The following PDE3A variants were observed in gnomAD, a reference collection of about 807,000 sequenced individuals.
PDE3A encodes cGMP-inhibited 3',5'-cyclic phosphodiesterase 3A.
Under a neutral mutation model 98.3 loss-of-function variants are expected in PDE3A, and 43 were observed. That is an observed-to-expected ratio of 0.44 (90% CI 0.34 to 0.56). The LOEUF (loss-of-function observed/expected upper bound fraction) is 0.56, where lower values mean the gene tolerates loss of function less well. Among genes scored for constraint, PDE3A ranks in the 20% least tolerant of loss-of-function variants. PDE3A has a pLI of 0.01. For synonymous variants in PDE3A, 663 were observed against 567.9 expected, an observed-to-expected ratio of 1.17 and a Z score of -2.38; for missense variants, 1,427 against 1,440.7, an observed-to-expected ratio of 0.99 and a Z score of 0.15.
intron 1 of PDE3A, among the ~76,000 whole-genome samples, chr12:20,532,909 C>T (rs147156100): frequency 0.087 from 13,255 of 151,970 alleles, 829 homozygotes; most frequent in East Asian, 0.33. Flanking sequence ...ATCTCCTGAC[C>T]TCGTGATCCG....
intron 15 of PDE3A, among the ~76,000 whole-genome samples, chr12:20,656,723 G>T (rs1945052707): frequency 6.6e-6 from 1 of 152,128 alleles, no homozygotes. Flanking sequence ...CTGAATGAAG[G>T]TATTGTCAGC....
At chr12:20,667,836 G>A (rs546723021) in intron 15 of PDE3A, among the ~76,000 whole-genome samples, 69 of 152,196 alleles carry the variant, frequency 4.5e-4, no homozygotes, top group African/African-American at 1.5e-3. Flanking sequence ...TAAAGATTGC[G>A]GGGGAGGAGC....
At chr12:20,523,927 T>G (rs936824445) in intron 1 of PDE3A, among the ~76,000 whole-genome samples, 7 of 152,144 alleles carry the variant, frequency 4.6e-5, no homozygotes, top group Non-Finnish European at 1.5e-5. Context: ...AAGATACAAG[T>G]TTATTACTTT....
chr12:20,569,412 T>G (rs933660350), intron 2 of PDE3A, among the ~76,000 whole-genome samples: 4 of 152,128 alleles, frequency 2.6e-5, no homozygotes, highest in Non-Finnish European at 5.9e-5. Context: ...TATGAGGGAA[T>G]TAGGGTTACA....
intron 1 of PDE3A, among the ~76,000 whole-genome samples, chr12:20,501,810 G>C (rs1946030024): frequency 1.3e-5 from 2 of 152,216 alleles, no homozygotes; most frequent in Admixed American, 6.6e-5. Flanking sequence ...TAATAGAAAT[G>C]ATTGCATCAT....
At chr12:20,472,920 C>A (rs1165891355) in intron 1 of PDE3A, among the ~76,000 whole-genome samples, 1 of 151,996 alleles carries the variant, frequency 6.6e-6, no homozygotes, top group Non-Finnish European at 1.5e-5. Flanking sequence ...TTTTATTCAC[C>A]ATCATGGTAA....
At chr12:20,601,793 A>C (rs1355033051) in intron 2 of PDE3A, among the ~76,000 whole-genome samples, 2 of 152,018 alleles carry the variant, frequency 1.3e-5, no homozygotes, top group South Asian at 2.1e-4. Flanking sequence ...GTGAAAAAAA[A>C]CTAAATTCTG....
intron 2 of PDE3A, among the ~76,000 whole-genome samples, chr12:20,568,159 CATGA>C (rs1349783539): frequency 6.6e-6 from 1 of 151,820 alleles, no homozygotes; most frequent in Non-Finnish European, 1.5e-5. Context: ...TGTACTTATT[CATGA>C]ATAAGAGATG....
intron 15 of PDE3A, among the ~76,000 whole-genome samples, chr12:20,678,979 G>A (rs906274439): frequency 8.6e-5 from 13 of 151,966 alleles, no homozygotes; most frequent in Non-Finnish European, 1.9e-4. Context: ...GAAGAAAAAG[G>A]AAAAAATAAA....
At chr12:20,450,926 GA>G (rs1945052760) in intron 1 of PDE3A, among the ~76,000 whole-genome samples, 1 of 152,180 alleles carries the variant, frequency 6.6e-6, no homozygotes, top group Non-Finnish European at 1.5e-5. Flanking sequence ...CTTGGTCTGA[GA>G]ACTTGTTCAA....
At chr12:20,492,654 G>A (rs2121051969) in intron 1 of PDE3A, among the ~76,000 whole-genome samples, 1 of 152,250 alleles carries the variant, frequency 6.6e-6, no homozygotes, top group South Asian at 2.1e-4. Context: ...CTGTGGCTAT[G>A]GGTAGAGAAA....
chr12:20,548,315 G>T (rs1163256824), intron 1 of PDE3A, among the ~76,000 whole-genome samples: 5 of 152,014 alleles, frequency 3.3e-5, no homozygotes, highest in African/African-American at 9.7e-5. Flanking sequence ...TTTGCCATTT[G>T]CAGGCATAAC....
chr12:20,647,185 G>T (rs1944795047), intron 12 of PDE3A, among the ~76,000 whole-genome samples: 1 of 152,006 alleles, frequency 6.6e-6, no homozygotes, highest in African/African-American at 2.4e-5. Context: ...TTTCTTCTTA[G>T]GAAGAAAACC....
rs758217452 is a variant in PDE3A, at chr12:20,650,585, T to C, written c.2910T>C (p.Asn970=). 6.2e-7 allele frequency: 1 copy of C among 1,609,990 alleles called. No homozygotes were observed. The highest frequency in any genetic ancestry group is 8.5e-7 in the Non-Finnish European group (1 of 1,176,882). ...LHLQWTDGIV[N]EFYEQGDEEA... ...TTCAGTGGACAGATGGTATTGTCAA[T>C]GAATTTTATGAACAGGTAACTGACC... Residue 970 remains asparagine, a synonymous_variant, in exon 14 of 16, where the codon AAT becomes AAC. Coordinates refer to ENST00000359062, the MANE Select transcript of PDE3A (RefSeq NM_000921.5).
At chr12:20,647,584 C>T (rs963435313) in intron 12 of PDE3A, among the ~76,000 whole-genome samples, 1 of 151,938 alleles carries the variant, frequency 6.6e-6, no homozygotes, top group Non-Finnish European at 1.5e-5. Flanking sequence ...TTAGCTGAAC[C>T]CAAGTTGCTA....
chr12:20,481,910 G>A (rs906647535), intron 1 of PDE3A, among the ~76,000 whole-genome samples: 1 of 151,134 alleles, frequency 6.6e-6, no homozygotes, highest in Non-Finnish European at 1.5e-5. Context: ...GACTACAGGC[G>A]CCCGCCACCA....
chr12:20,371,146 T>C (rs1057168122), intron 1 of PDE3A, among the ~76,000 whole-genome samples: 2 of 152,234 alleles, frequency 1.3e-5, no homozygotes, highest in Non-Finnish European at 1.5e-5. Flanking sequence ...GATTATAAAG[T>C]TGTAAATAAA....
rs533649121 is a variant in PDE3A, at chr12:20,433,176, AG to A, written c.960+62935del. On this transcript the variant is annotated intron_variant, in intron 1 of 15. Transcript: ENST00000359062. ...TCTTTTTTTGAACTATTCCCTTCGA[AG>A]GGCAGTGGGATCACTGTATAACCAA... Among the ~76,000 whole-genome samples the A allele has an allele frequency of 1.4e-4, 22 of 152,290 alleles. No homozygotes were observed. The East Asian group carries it at 4.2e-3, about 29-fold the overall frequency.
At chr12:20,678,895 T>G (rs1945702033) in intron 15 of PDE3A, among the ~76,000 whole-genome samples, 1 of 151,910 alleles carries the variant, frequency 6.6e-6, no homozygotes, top group South Asian at 2.1e-4. Context: ...ACCACATAAT[T>G]GAAGGAAGGG....
Sources: allele counts gnomAD v4.1 joint callset (sites outside exome capture counted in the v4.1 genomes callset), GRCh38; gene constraint gnomAD v4.1.1; transcripts MANE v1.5; gene names NCBI Gene and HGNC (gene_info 2026-07-23, HGNC 2026-07-21).